RTN4RL1: variants seen among roughly 807,000 people sequenced by gnomAD.
RTN4RL1 encodes reticulon-4 receptor-like 1.
A neutral mutation model predicts 25.6 loss-of-function variants in RTN4RL1; 7 were observed. That is an observed-to-expected ratio of 0.27 (90% CI 0.16 to 0.51). The LOEUF is 0.51. Ranked by LOEUF, RTN4RL1 falls within the 20% of genes least tolerant of loss-of-function variation. RTN4RL1 has a pLI of 0.97. For synonymous variants in RTN4RL1, 297 were observed against 288.2 expected (o/e 1.03, Z -0.31); for missense variants, 500 against 615.6 (o/e 0.81, Z 1.99).
At chr17:1,947,335 A>G (rs1915578142) in intron 1 of RTN4RL1, among the ~76,000 whole-genome samples, 1 of 152,170 alleles carries the variant, frequency 6.6e-6, no homozygotes, top group Non-Finnish European at 1.5e-5. Context: ...ACAGAAACAC[A>G]TGCCTGTCTC....
chr17:2,005,512 T>G (rs972815415), intron 1 of RTN4RL1, among the ~76,000 whole-genome samples: 21 of 152,216 alleles, frequency 1.4e-4, no homozygotes, highest in African/African-American at 4.1e-4. Flanking sequence ...ACCAAGCCCT[T>G]TCCTCTGATG....
At chr17:1,976,671 C>T (rs1304565859) in intron 1 of RTN4RL1, among the ~76,000 whole-genome samples, 16 of 152,154 alleles carry the variant, frequency 1.1e-4, no homozygotes, top group Non-Finnish European at 8.8e-5. Context: ...TAGGCAAAAA[C>T]CACTGCAGTT....
chr17:1,955,105 C>A (rs1863602875), intron 1 of RTN4RL1, among the ~76,000 whole-genome samples: 1 of 152,148 alleles, frequency 6.6e-6, no homozygotes, highest in Non-Finnish European at 1.5e-5. Context: ...TAGGGACCTA[C>A]CTCTCACCAG....
chr17:1,988,293 TAC>T (rs2066895177), intron 1 of RTN4RL1, among the ~76,000 whole-genome samples: 1 of 149,772 alleles, frequency 6.7e-6, no homozygotes, highest in Admixed American at 6.7e-5. Flanking sequence ...TAGTCCCAGC[TAC>T]TCAGGAGGCT....
rs1322720697 is a variant in RTN4RL1 at position 2,009,940 on chromosome 17, T to C, written c.13+14913A>G. 2.3e-5 allele frequency among the ~76,000 whole-genome samples: 3 copies of C among 128,758 alleles called. 1 individual carries two copies. Among genetic ancestry groups the C allele is most frequent in the Non-Finnish European group, 4.9e-5 (3 of 60,986 alleles). The allele number at this position is 128,758 out of a possible 152,430, so 84.5% of individuals were successfully genotyped here. A position where few individuals can be genotyped will look rare whatever the true frequency, so the allele number is the denominator to read the frequency against. On this transcript the variant is annotated intron_variant, in intron 1 of 1. Coordinates refer to ENST00000331238, the MANE Select transcript of RTN4RL1 (RefSeq NM_178568.4). ...CAAGCACATGCCTGACGCAGGGCCT[T>C]TGCACCTGCTATTGTTCCTTCTGCC...
chr17:1,935,633 T>C lies in RTN4RL1; in HGVS notation c.*863A>G. ...CCAATACAATCCTTAGTTCAGCAAA[T>C]ACAGTTTTCTGTATAGTTTATAAAC... On this transcript the variant is annotated 3_prime_UTR_variant, in exon 2 of 2. Coordinates refer to ENST00000331238, the MANE Select transcript of RTN4RL1 (RefSeq NM_178568.4). 1.0e-6 allele frequency: 1 copy of C among 980,674 alleles called. No individual in the cohort carries two copies. Among genetic ancestry groups the C allele is most frequent in the Non-Finnish European group, 1.2e-6 (1 of 827,370 alleles). 60.7% of individuals were successfully genotyped at this position (980,674 alleles called of 1,614,324 possible).
chr17:2,008,352 A>C (rs1339463596), intron 1 of RTN4RL1, among the ~76,000 whole-genome samples: 1 of 152,312 alleles, frequency 6.6e-6, no homozygotes, highest in African/African-American at 2.4e-5. Context: ...GACACATTAA[A>C]AAAAAGGAAT....
intron 1 of RTN4RL1, among the ~76,000 whole-genome samples, chr17:1,951,974 C>T (rs61250309): frequency 0.027 from 4,147 of 152,152 alleles, 183 homozygotes; most frequent in African/African-American, 0.094. Flanking sequence ...GCTGAAATCA[C>T]GAGGGACTCA....
At chr17:1,991,065 C>A (rs575675916) in intron 1 of RTN4RL1, among the ~76,000 whole-genome samples, 1 of 152,290 alleles carries the variant, frequency 6.6e-6, no homozygotes, top group African/African-American at 2.4e-5. Context: ...TAGTACCTTG[C>A]TCAGTGTAAC....
At chr17:1,939,814 C>T (rs1273206856) in intron 1 of RTN4RL1, among the ~76,000 whole-genome samples, 1 of 152,206 alleles carries the variant, frequency 6.6e-6, no homozygotes, top group Admixed American at 6.5e-5. Context: ...GGTTGGGGGG[C>T]CGGCTCCAGG....
At chr17:1,965,047 A>G (rs1479455604) in intron 1 of RTN4RL1, among the ~76,000 whole-genome samples, 1 of 150,484 alleles carries the variant, frequency 6.6e-6, no homozygotes, top group Non-Finnish European at 1.5e-5. Context: ...TCAGCCTCCC[A>G]AAGTGGTGGG....
At chr17:1,953,664 A>C (rs1915730250) in intron 1 of RTN4RL1, among the ~76,000 whole-genome samples, 1 of 152,142 alleles carries the variant, frequency 6.6e-6, no homozygotes, top group Non-Finnish European at 1.5e-5. Flanking sequence ...TCCTGGGTTC[A>C]AGCGATTCTC....
At position 1,986,631 on chromosome 17, in the gene RTN4RL1, G is replaced by A. The variant is rs184596216; in HGVS notation, c.13+38222C>T. 1.9e-3 allele frequency among the ~76,000 whole-genome samples: 294 copies of A among 152,170 alleles called. 4 individuals are homozygous for A. Among genetic ancestry groups the A allele is most frequent in the African/African-American group, 6.9e-3 (287 of 41,498 alleles). On this transcript the variant is annotated intron_variant, in intron 1 of 1. Transcript: ENST00000331238. The stretch of plus-strand genomic sequence containing the variant: ...CCCCCACGGCCCCCAGAAGCTGGAA[G>A]AGCCTTCGTGGGGTGCACAGTCCTG...
intron 1 of RTN4RL1, among the ~76,000 whole-genome samples, chr17:2,024,169 T>C (rs1346725538): frequency 6.6e-6 from 1 of 152,098 alleles, no homozygotes; most frequent in East Asian, 1.9e-4. Flanking sequence ...CTAGCTACGG[T>C]GGTCGCGAAG....
chr17:2,024,867 T>C lies in RTN4RL1; in HGVS notation c.-2A>G, dbSNP rs747573953. 1.3e-6 allele frequency: 2 copies of C among 1,584,504 alleles called. No homozygotes were observed. The highest frequency in any genetic ancestry group is 1.4e-5 in the African/African-American group (1 of 73,718). On this transcript the variant is annotated 5_prime_UTR_variant, in exon 1 of 2. Transcript: ENST00000331238. ...CTCCAACTCACCTTTGCGAAGCATG[T>C]TGGCCACGGGGCCGCCGCTCCGAGG...
chr17:1,966,181 G>C (rs557722481), intron 1 of RTN4RL1, among the ~76,000 whole-genome samples: 3 of 152,110 alleles, frequency 2.0e-5, no homozygotes, highest in Admixed American at 6.5e-5. Flanking sequence ...ATTCCAACTC[G>C]ACGTGGTACA....
At chr17:1,969,227 T>G (rs1479248575) in intron 1 of RTN4RL1, among the ~76,000 whole-genome samples, 2 of 151,968 alleles carry the variant, frequency 1.3e-5, no homozygotes. Flanking sequence ...TCCAGCTAAT[T>G]TTTTTATTTT....
Position 1,936,386 on chromosome 17 carries a change from C to T in RTN4RL1, c.*110G>A, listed in dbSNP as rs572397297. The stretch of plus-strand genomic sequence containing the variant: ...GTCCAGACAGCAGCCGAAGGCTCTA[C>T]CAGCCTTTTCCTGAAACCCAGCAGA... On this transcript the variant is annotated 3_prime_UTR_variant, in exon 2 of 2. Transcript: ENST00000331238. 9.6e-5 allele frequency: 140 copies of T among 1,450,906 alleles called. No individual in the cohort carries two copies. The highest frequency in any genetic ancestry group is 4.8e-4 in the Middle Eastern group (2 of 4,174). The allele number at this position is 1,450,906 out of a possible 1,614,324, so 89.9% of individuals were successfully genotyped here.
At chr17:1,959,568 G>A (rs1915855768) in intron 1 of RTN4RL1, among the ~76,000 whole-genome samples, 1 of 152,018 alleles carries the variant, frequency 6.6e-6, no homozygotes, top group Non-Finnish European at 1.5e-5. Context: ...TCTTTGTTTT[G>A]TTTTGTTTTG....
Sources: allele counts gnomAD v4.1 joint callset (sites outside exome capture counted in the v4.1 genomes callset), GRCh38; gene constraint gnomAD v4.1.1; transcripts MANE v1.5; gene names NCBI Gene and HGNC (gene_info 2026-07-23, HGNC 2026-07-21).